Variants in PTPN11 observed in about 807,000 individuals in gnomAD.
PTPN11 encodes the protein protein tyrosine phosphatase non-receptor type 11.
PTPN11 carries 6 observed loss-of-function variants against 78.8 expected under a neutral mutation model. That is an observed-to-expected ratio of 0.08 (90% CI 0.04 to 0.15). The LOEUF (loss-of-function observed/expected upper bound fraction) is 0.15, where lower values mean the gene tolerates loss of function less well. Ranked by LOEUF, PTPN11 falls within the 10% of genes least tolerant of loss-of-function variation. The pLI is 1.00. For synonymous variants in PTPN11, 221 were observed against 263.5 expected (o/e 0.84, Z 1.56); for missense variants, 386 against 744.8 (o/e 0.52, Z 5.61).
At chr12:112,494,608 C>T (rs2038791260) in intron 13 of PTPN11, among the ~76,000 whole-genome samples, 3 of 152,114 alleles carry the variant, frequency 2.0e-5, no homozygotes, top group Non-Finnish European at 4.4e-5. Flanking sequence ...TCTCCTTTCC[C>T]AGCCATTTTT....
intron 1 of PTPN11, among the ~76,000 whole-genome samples, chr12:112,442,529 G>C (rs934035200): frequency 1.3e-5 from 2 of 151,502 alleles, no homozygotes; most frequent in African/African-American, 2.4e-5. Flanking sequence ...TTGGCTTATT[G>C]CAAACTTCAC....
At chr12:112,419,302 C>T (rs1349593708) in intron 1 of PTPN11, among the ~76,000 whole-genome samples, 177 bp downstream of exon 1, 3 of 152,052 alleles carry the variant, frequency 2.0e-5, no homozygotes, top group Admixed American at 2.0e-4. Context: ...GGCCCCACCG[C>T]GCCCCCACCC....
chr12:112,474,745 A>G (rs1270465929), intron 7 of PTPN11, among the ~76,000 whole-genome samples: 1 of 152,070 alleles, frequency 6.6e-6, no homozygotes, highest in Non-Finnish European at 1.5e-5. Flanking sequence ...CCTGCAATGT[A>G]GCTGGGACTA....
rs78985380 is a variant in PTPN11, at chr12:112,447,349, C to T, written c.137+951C>T. Among the ~76,000 whole-genome samples the T allele has an allele frequency of 8.5e-5, 13 of 152,140 alleles. 1 individual carries two copies. The East Asian group carries it at 1.9e-3, about 23-fold the overall frequency. The stretch of plus-strand genomic sequence containing the variant: ...GAGGTTGGCATATATTCTTCCTGAA[C>T]GTGTTTTTATAGTTGTACTGCACTT... On this transcript the variant is annotated intron_variant, in intron 2 of 15. Transcript: ENST00000351677.
chr12:112,449,368 G>A (rs1244681397), intron 2 of PTPN11, among the ~76,000 whole-genome samples: 6 of 151,558 alleles, frequency 4.0e-5, no homozygotes, highest in African/African-American at 1.2e-4. Flanking sequence ...TTAGCTGGGC[G>A]TCGTGGCGGG....
Position 112,509,244 on chromosome 12 carries a change from A to G in PTPN11, c.*3452A>G, listed in dbSNP as rs1400371469. 1.3e-5 allele frequency: 2 copies of G among 152,194 alleles called. No homozygotes were observed. The highest frequency in any genetic ancestry group is 2.9e-5 in the Non-Finnish European group (2 of 68,036). The allele number at this position is 152,194 out of a possible 1,614,324, so 9.4% of individuals were successfully genotyped here. On this transcript the variant is annotated 3_prime_UTR_variant, in exon 16 of 16. Transcript: ENST00000351677. ...AAAGTTCCAAAATATAGTTTATTGT[A>G]TCTTTCATCACTAAAAATTTGTTCC...
chr12:112,456,500 C>G lies in PTPN11; in HGVS notation c.756+437C>G, dbSNP rs537276277. ...TTGAGACAGGGTCTCGCTCTGTCGC[C>G]GAAGCTGGAGTGTAGTGGCGTGATC... is the stretch of plus-strand genomic sequence containing the variant. On this transcript the variant is annotated intron_variant, in intron 6 of 15. Coordinates refer to ENST00000351677, the MANE Select transcript of PTPN11 (RefSeq NM_002834.5). Among the ~76,000 whole-genome samples, 7 of 149,686 alleles carry G rather than the reference C, an allele frequency of 4.7e-5. 1 individual carries two copies. The East Asian group carries it at 1.2e-3, about 25-fold the overall frequency.
At chr12:112,490,304 CTTT>C (rs1258631865) in intron 13 of PTPN11, among the ~76,000 whole-genome samples, 9 of 128,676 alleles carry the variant, frequency 7.0e-5, no homozygotes, top group Non-Finnish European at 5.0e-5. Context: ...TCAGGGATGT[CTTT>C]TTTTTTTTTT....
At chr12:112,454,950 G>A (rs575775909) in intron 5 of PTPN11, among the ~76,000 whole-genome samples, 1 of 151,256 alleles carries the variant, frequency 6.6e-6, no homozygotes, top group South Asian at 2.1e-4. Context: ...CTCCTGAGTA[G>A]CTGGGACTAC....
chr12:112,427,439 G>C (rs533362313), intron 1 of PTPN11, among the ~76,000 whole-genome samples: 2 of 151,652 alleles, frequency 1.3e-5, no homozygotes, highest in African/African-American at 4.8e-5. Flanking sequence ...CCAGCTACTC[G>C]GGAGGCTGAG....
chr12:112,462,311 T>C (rs2038260198), intron 6 of PTPN11, among the ~76,000 whole-genome samples: 1 of 152,066 alleles, frequency 6.6e-6, no homozygotes, highest in African/African-American at 2.4e-5. Flanking sequence ...TGAGATACGA[T>C]TGTGACACTG....
intron 6 of PTPN11, among the ~76,000 whole-genome samples, chr12:112,459,932 C>T (rs575574924): frequency 3.3e-5 from 5 of 151,910 alleles, no homozygotes; most frequent in African/African-American, 1.2e-4. Context: ...CACACACACA[C>T]ACACACACAC....
At chr12:112,488,817 C>T (rs1163939718) in intron 12 of PTPN11, among the ~76,000 whole-genome samples, 1 of 152,202 alleles carries the variant, frequency 6.6e-6, no homozygotes. Flanking sequence ...TGAGGGAATC[C>T]TGACTTCTGC....
intron 6 of PTPN11, among the ~76,000 whole-genome samples, chr12:112,469,028 C>A (rs980822616): frequency 1.3e-5 from 2 of 152,122 alleles, no homozygotes; most frequent in Non-Finnish European, 2.9e-5. Context: ...CATACCACTG[C>A]ATTCCAGCCT....
chr12:112,437,811 A>AT (rs1186837253), intron 1 of PTPN11, among the ~76,000 whole-genome samples: 1 of 151,424 alleles, frequency 6.6e-6, no homozygotes, highest in Non-Finnish European at 1.5e-5. Context: ...TGTTTTCCCT[A>AT]TTTTTTCTTA....
chr12:112,488,076 G>A (rs1031298528), intron 11 of PTPN11, among the ~76,000 whole-genome samples: 1 of 152,098 alleles, frequency 6.6e-6, no homozygotes, highest in East Asian at 1.9e-4. Flanking sequence ...GAGCCACTGC[G>A]CCCGGCCCTC....
chr12:112,420,699 T>C (rs1188687263), intron 1 of PTPN11, among the ~76,000 whole-genome samples: 1 of 152,168 alleles, frequency 6.6e-6, no homozygotes, highest in African/African-American at 2.4e-5. Context: ...TGGCATGTTA[T>C]TCATACATGG....
intron 6 of PTPN11, among the ~76,000 whole-genome samples, chr12:112,461,041 A>G (rs889269333): frequency 6.6e-6 from 1 of 151,764 alleles, no homozygotes; most frequent in Non-Finnish European, 1.5e-5. Context: ...TCCATCCCTT[A>G]TATTTCTTGT....
chr12:112,442,200 G>C (rs1342405693), intron 1 of PTPN11, among the ~76,000 whole-genome samples: 1 of 152,126 alleles, frequency 6.6e-6, no homozygotes, highest in African/African-American at 2.4e-5. Context: ...ATTTAAATAA[G>C]AGTTGCAAAA....
Sources: allele counts gnomAD v4.1 joint callset (sites outside exome capture counted in the v4.1 genomes callset), GRCh38; gene constraint gnomAD v4.1.1; transcripts MANE v1.5; gene names NCBI Gene and HGNC (gene_info 2026-07-23, HGNC 2026-07-21).